DEFB119: variants seen among roughly 807,000 people sequenced by gnomAD.
DEFB119 encodes defensin beta 119, also known as beta-defensin 119.
In DEFB119, 3 loss-of-function variants were observed where a neutral mutation model predicts 2.5. That is an observed-to-expected ratio of 1.19 (90% CI 0.54 to 3.07). DEFB119 has a LOEUF of 3.07. DEFB119 is among the 30% of genes most tolerant of loss of function. DEFB119 has a pLI of 0.03. For missense variants in DEFB119, 113 were observed against 101.1 expected (o/e 1.12, Z -0.50); for synonymous variants, 29 against 33.7 (o/e 0.86, Z 0.48).
At chr20:31,390,335 G>T in intron 1 of DEFB119, 88 bp downstream of exon 1, 1 of 1,244,970 alleles carries the variant, frequency 8.0e-7, no homozygotes, top group Non-Finnish European at 1.2e-6. Flanking sequence ...AGAAGGAAAG[G>T]CTTCAGATGA....
chr20:31,377,483 T>C (rs1376762699), intron 1 of DEFB119, 44 bp from the exon 2 acceptor site: 9 of 1,572,176 alleles, frequency 5.7e-6, no homozygotes, highest in Admixed American at 3.6e-5. Flanking sequence ...CACCTAGGAG[T>C]GACATAAATC....
chr20:31,379,832 A>T (rs1329355271), intron 1 of DEFB119, among the ~76,000 whole-genome samples: 1 of 151,868 alleles, frequency 6.6e-6, no homozygotes, highest in African/African-American at 2.4e-5. Context: ...CGCCCAGCTA[A>T]TTTCTTGTAT....
At chr20:31,389,669 AG>A (rs1460008114) in intron 1 of DEFB119, among the ~76,000 whole-genome samples, 1 of 152,080 alleles carries the variant, frequency 6.6e-6, no homozygotes, top group Non-Finnish European at 1.5e-5. Context: ...AAGCCCAACA[AG>A]CCTCAGCTCC....
chr20:31,390,399 AC>A (rs774938677), intron 1 of DEFB119, 23 bp downstream of exon 1: 21 of 1,608,144 alleles, frequency 1.3e-5, no homozygotes, highest in Non-Finnish European at 1.8e-5. Context: ...AGGAACCCAG[AC>A]CCCCGAGAGA....
At chr20:31,378,207 C>A in intron 1 of DEFB119, 2 of 1,243,056 alleles carry the variant, frequency 1.6e-6, no homozygotes, top group Non-Finnish European at 1.1e-6. Flanking sequence ...GGGCCTAGTG[C>A]AGAGTCAAGA....
chr20:31,389,676 G>A (rs6141857), intron 1 of DEFB119, among the ~76,000 whole-genome samples: 1 of 151,998 alleles, frequency 6.6e-6, no homozygotes, highest in Non-Finnish European at 1.5e-5. Flanking sequence ...ACAAGCCTCA[G>A]CTCCAGCCGC....
chr20:31,379,041 G>A lies in DEFB119; in HGVS notation c.62-1602C>T, dbSNP rs569067253. Among the ~76,000 whole-genome samples, 230 of 151,280 alleles carry A rather than the reference G, an allele frequency of 1.5e-3. 1 individual carries two copies. The highest frequency in any genetic ancestry group is 5.3e-3 in the African/African-American group (219 of 41,160). On this transcript the variant is annotated intron_variant, in intron 1 of 1. Transcript: ENST00000376321. The stretch of plus-strand genomic sequence containing the variant: ...CAACCTCCGCCTCCCAGGTTCAAGC[G>A]ATTCTCATGCCTCAGCCTCCCATGT...
chr20:31,389,318 G>A, intron 1 of DEFB119: 1 of 1,573,632 alleles, frequency 6.4e-7, no homozygotes, highest in South Asian at 1.1e-5. Context: ...CAGGAGGACA[G>A]GGAAGAAGAG....
chr20:31,379,545 G>A lies in DEFB119; in HGVS notation c.62-2106C>T, dbSNP rs921024340. Among the ~76,000 whole-genome samples the A allele has an allele frequency of 2.6e-5, 4 of 151,638 alleles. No homozygotes were observed. In the East Asian group the frequency reaches 5.8e-4, roughly 22 times the overall value. On this transcript the variant is annotated intron_variant, in intron 1 of 1. Coordinates refer to ENST00000376321, the MANE Select transcript of DEFB119 (RefSeq NM_153289.4). ...AGTCTCGCTTTGTCGCCAGGCTGCA[G>A]TGCAGTGGTGTGATCTCTGCTCATT...
At chr20:31,390,122 G>C (rs1473237625) in intron 1 of DEFB119, among the ~76,000 whole-genome samples, 1 of 151,768 alleles carries the variant, frequency 6.6e-6, no homozygotes, top group African/African-American at 2.4e-5. Flanking sequence ...TTCCACTCTA[G>C]TCTCCCGAAG....
chr20:31,388,888 A>T, intron 1 of DEFB119: 1 of 1,454,844 alleles, frequency 6.9e-7, no homozygotes, highest in Non-Finnish European at 9.2e-7. Flanking sequence ...TCTCTCGACT[A>T]GCTCTTCACC....
At chr20:31,378,746 A>C (rs1454728884) in intron 1 of DEFB119, among the ~76,000 whole-genome samples, 2 of 152,152 alleles carry the variant, frequency 1.3e-5, no homozygotes, top group Non-Finnish European at 2.9e-5. Context: ...CTTCTCCCCA[A>C]AAGGAAATGT....
At chr20:31,387,328 A>T (rs1332603763) in intron 1 of DEFB119, among the ~76,000 whole-genome samples, 1 of 152,226 alleles carries the variant, frequency 6.6e-6, no homozygotes, top group Non-Finnish European at 1.5e-5. Context: ...CCAGAGCAGG[A>T]TCCAATACCA....
At chr20:31,383,421 A>G (rs978725504) in intron 1 of DEFB119, among the ~76,000 whole-genome samples, 1 of 151,466 alleles carries the variant, frequency 6.6e-6, no homozygotes, top group South Asian at 2.1e-4. Context: ...GTGTACATCT[A>G]TAATCCCAGC....
intron 1 of DEFB119, chr20:31,388,113 G>T (rs1048772658): frequency 3.0e-6 from 3 of 985,182 alleles, no homozygotes; most frequent in African/African-American, 3.5e-5. Flanking sequence ...AATAAAGTCT[G>T]GGAAGACACC....
chr20:31,387,004 C>T (rs975037255), intron 1 of DEFB119, among the ~76,000 whole-genome samples: 2 of 151,926 alleles, frequency 1.3e-5, no homozygotes, highest in African/African-American at 4.8e-5. Flanking sequence ...CAGGGTTTCA[C>T]CATGTTGATC....
At chr20:31,389,244 GAAC>G in intron 1 of DEFB119, 1 of 1,614,002 alleles carries the variant, frequency 6.2e-7, no homozygotes, top group Non-Finnish European at 8.5e-7. Context: ...TGGGGCATAT[GAAC>G]AACAATTAAG....
chr20:31,379,126 T>C (rs1013610572), intron 1 of DEFB119, among the ~76,000 whole-genome samples: 5 of 151,804 alleles, frequency 3.3e-5, no homozygotes, highest in Admixed American at 1.3e-4. Context: ...TCAGTAGAGA[T>C]GGGGTTTCAC....
At chr20:31,390,311 C>G in intron 1 of DEFB119, 112 bp downstream of exon 1, 1 of 1,019,626 alleles carries the variant, frequency 9.8e-7, no homozygotes, top group Non-Finnish European at 1.5e-6. Context: ...GCAAACCTCC[C>G]GAAGCTGCAG....
Sources: gnomAD v4.1 joint callset for allele counts (sites outside exome capture counted in the v4.1 genomes callset) on GRCh38, gnomAD v4.1.1 for gene constraint, MANE v1.5 for transcripts, NCBI Gene and HGNC (gene_info 2026-07-23, HGNC 2026-07-21) for gene names.